PTBP2: variants seen among roughly 807,000 people sequenced by gnomAD.
The protein encoded by PTBP2 is polypyrimidine tract-binding protein 2.
PTBP2 carries 13 observed loss-of-function variants against 61.4 expected under a neutral mutation model. The observed-to-expected ratio is 0.21, with a 90% CI of 0.14 to 0.34. The LOEUF is 0.34. Ranked by LOEUF, PTBP2 falls within the 10% of genes least tolerant of loss-of-function variation. The pLI, the probability that PTBP2 is intolerant of heterozygous loss-of-function variation, is 1.00. For synonymous variants in PTBP2, 215 were observed against 218.5 expected (o/e 0.98, Z 0.14); for missense variants, 405 against 642.6 (o/e 0.63, Z 4.00).
chr1:96,778,105 A>G (rs1658237064), intron 7 of PTBP2, among the ~76,000 whole-genome samples, 159 bp downstream of exon 7: 1 of 151,246 alleles, frequency 6.6e-6, no homozygotes, highest in Non-Finnish European at 1.5e-5. Context: ...TCATAAAAGA[A>G]ATATTTATTT....
chr1:96,781,988 C>T (rs537164517), intron 7 of PTBP2, among the ~76,000 whole-genome samples: 1 of 152,032 alleles, frequency 6.6e-6, no homozygotes, highest in African/African-American at 2.4e-5. Context: ...AATATAATTA[C>T]TTGATGCATA....
rs191765179 is a variant in PTBP2 at position 96,769,656 on chromosome 1, A to T, written c.116-47A>T. 6.9e-5 allele frequency: 89 copies of T among 1,287,298 alleles called. 2 individuals are homozygous for T. In the Admixed American group the frequency reaches 1.9e-3, roughly 28 times the overall value. The allele number at this position is 1,287,298 out of a possible 1,614,324, so 79.7% of individuals were successfully genotyped here. ...TTTACACAAATAGGAAAATTCATACATTCTTTTATTGTTGATATATAAGGA... is the reference window on the plus strand; with the variant it reads ...TTTACACAAATAGGAAAATTCATACTTTCTTTTATTGTTGATATATAAGGA... On this transcript the variant is annotated intron_variant, in intron 3 of 13. Transcript: ENST00000674951.
chr1:96,780,869 C>A (rs748172502), intron 7 of PTBP2, among the ~76,000 whole-genome samples: 5 of 151,972 alleles, frequency 3.3e-5, no homozygotes, highest in Non-Finnish European at 7.4e-5. Context: ...TGCAAGATAC[C>A]AACTTCAGTC....
At chr1:96,735,909 G>A (rs1473848327) in intron 2 of PTBP2, among the ~76,000 whole-genome samples, 4 of 152,216 alleles carry the variant, frequency 2.6e-5, no homozygotes, top group Admixed American at 6.5e-5. Context: ...AGAAAACCTG[G>A]ACACATAACA....
chr1:96,749,523 AC>A, intron 2 of PTBP2: 1 of 346,996 alleles, frequency 2.9e-6, no homozygotes, highest in Non-Finnish European at 6.0e-6. Flanking sequence ...TTTGTTTCTT[AC>A]TTTTAGAATA....
chr1:96,781,453 C>T (rs1039208886), intron 7 of PTBP2, among the ~76,000 whole-genome samples: 5 of 151,948 alleles, frequency 3.3e-5, no homozygotes, highest in African/African-American at 9.7e-5. Context: ...GCCTTTTTAG[C>T]TATATTGGAC....
chr1:96,757,285 CAGTA>C (rs1240296563), intron 3 of PTBP2, among the ~76,000 whole-genome samples: 1 of 152,052 alleles, frequency 6.6e-6, no homozygotes, highest in Non-Finnish European at 1.5e-5. Flanking sequence ...TCCGTGCAAA[CAGTA>C]AGCACAAGAA....
chr1:96,724,756 A>T (rs1650151899), intron 2 of PTBP2, among the ~76,000 whole-genome samples: 1 of 151,950 alleles, frequency 6.6e-6, no homozygotes, highest in Non-Finnish European at 1.5e-5. Flanking sequence ...ACCTAATGCT[A>T]AATGACAAGT....
chr1:96,784,782 C>G (rs1372293898), intron 7 of PTBP2, among the ~76,000 whole-genome samples: 1 of 151,894 alleles, frequency 6.6e-6, no homozygotes, highest in Non-Finnish European at 1.5e-5. Flanking sequence ...TAAAACTAAC[C>G]TATTTGCAAT....
At chr1:96,795,668 A>G (rs1314564226) in intron 8 of PTBP2, among the ~76,000 whole-genome samples, 1 of 152,232 alleles carries the variant, frequency 6.6e-6, no homozygotes, top group Non-Finnish European at 1.5e-5. Flanking sequence ...TATTCACAAG[A>G]GTATATAAAT....
intron 7 of PTBP2, among the ~76,000 whole-genome samples, chr1:96,784,405 C>G (rs542590325): frequency 6.6e-6 from 1 of 152,136 alleles, no homozygotes; most frequent in South Asian, 2.1e-4. Context: ...CGAAAAGAGT[C>G]TAGGCTTTTA....
At chr1:96,781,358 G>A (rs1658647033) in intron 7 of PTBP2, among the ~76,000 whole-genome samples, 1 of 151,652 alleles carries the variant, frequency 6.6e-6, no homozygotes, top group South Asian at 2.1e-4. Flanking sequence ...TGACTTTTTT[G>A]TCCTTGCAAT....
At chr1:96,811,533 C>G (rs1431651447) in intron 11 of PTBP2, among the ~76,000 whole-genome samples, 4 of 152,170 alleles carry the variant, frequency 2.6e-5, no homozygotes, top group African/African-American at 9.7e-5. Context: ...AATTCTGCCT[C>G]AGCCTCCTGA....
intron 8 of PTBP2, among the ~76,000 whole-genome samples, chr1:96,788,382 AT>A (rs1659431428): frequency 6.6e-6 from 1 of 151,938 alleles, no homozygotes; most frequent in Non-Finnish European, 1.5e-5. Context: ...TGAAGACACA[AT>A]TTTCTTCTTC....
intron 13 of PTBP2, 24 bp from the exon 14 acceptor site, chr1:96,813,252 A>C (rs1204423829): frequency 6.3e-7 from 1 of 1,580,286 alleles, no homozygotes; most frequent in South Asian, 1.2e-5. Context: ...TGAAGTGTCT[A>C]ATTTTATAAT....
At chr1:96,751,658 GA>G (rs35745353) in intron 3 of PTBP2, among the ~76,000 whole-genome samples, 158 bp downstream of exon 3, 29,204 of 143,090 alleles carry the variant, frequency 0.2, 3,042 homozygotes, top group African/African-American at 0.27. Context: ...GAGCCGAGTG[GA>G]AAAAAAAAAA....
At chr1:96,736,904 TC>T (rs1652272432) in intron 2 of PTBP2, among the ~76,000 whole-genome samples, 1 of 152,058 alleles carries the variant, frequency 6.6e-6, no homozygotes, top group Admixed American at 6.6e-5. Context: ...GGTCTCAAAC[TC>T]CTGGGCTCAA....
chr1:96,726,547 C>T (rs776613227), intron 2 of PTBP2, among the ~76,000 whole-genome samples: 4 of 152,004 alleles, frequency 2.6e-5, no homozygotes, highest in Admixed American at 1.3e-4. Context: ...ACGCCATTCT[C>T]CTGTCTCAGC....
At chr1:96,783,087 G>A (rs959525698) in intron 7 of PTBP2, among the ~76,000 whole-genome samples, 1 of 151,966 alleles carries the variant, frequency 6.6e-6, no homozygotes, top group African/African-American at 2.4e-5. Flanking sequence ...CTGAACCACA[G>A]GACTGGTTTG....
Sources: gnomAD v4.1 joint callset for allele counts (sites outside exome capture counted in the v4.1 genomes callset) on GRCh38, gnomAD v4.1.1 for gene constraint, MANE v1.5 for transcripts, NCBI Gene and HGNC (gene_info 2026-07-23, HGNC 2026-07-21) for gene names.